Variants in RAPGEF2 observed in about 807,000 individuals in gnomAD.
RAPGEF2 encodes the protein Rap guanine nucleotide exchange factor 2, also known as PDZ domain containing guanine nucleotide exchange factor (GEF) 1.
In RAPGEF2, 54 loss-of-function variants were observed where a neutral mutation model predicts 186.7. The observed-to-expected ratio is 0.29, with a 90% CI of 0.23 to 0.36. The LOEUF (loss-of-function observed/expected upper bound fraction) is 0.36. RAPGEF2 is among the 10% of genes least tolerant of loss of function. The pLI is 1.00. For missense variants in RAPGEF2, 1,532 were observed against 2,045.0 expected, an observed-to-expected ratio of 0.75 and a Z score of 4.84; for synonymous variants, 712 against 705.9, an observed-to-expected ratio of 1.01 and a Z score of -0.14.
At chr4:159,345,817 C>T (rs183953388) in intron 24 of RAPGEF2, among the ~76,000 whole-genome samples, 108 of 152,028 alleles carry the variant, frequency 7.1e-4, no homozygotes, top group Non-Finnish European at 1.3e-3. Flanking sequence ...ACCACAATAG[C>T]CTTTAAAAAT....
At chr4:159,199,686 G>A (rs1749200758) in intron 3 of RAPGEF2, among the ~76,000 whole-genome samples, 1 of 152,178 alleles carries the variant, frequency 6.6e-6, no homozygotes, top group Non-Finnish European at 1.5e-5. Context: ...TATCCTTTCT[G>A]ATGTGAGGGG....
Position 159,359,731 on chromosome 4 carries a change from A to G in RAPGEF2, c.*1592A>G, listed in dbSNP as rs1732521641. On this transcript the variant is annotated 3_prime_UTR_variant, in exon 30 of 30. Transcript: ENST00000691494. ...TATCATGGCATTTGTCTACTTGCTT[A>G]TTACATTGTCAATTATGCATTTGTA... 1 of 152,204 alleles carries G rather than the reference A, an allele frequency of 6.6e-6. No homozygotes were observed. The highest frequency in any genetic ancestry group is 2.4e-5 in the African/African-American group (1 of 41,448). The allele number at this position is 152,204 out of a possible 1,614,324, so 9.4% of individuals were successfully genotyped here. A position where few individuals can be genotyped will look rare whatever the true frequency, so the allele number is the denominator to read the frequency against.
intron 3 of RAPGEF2, among the ~76,000 whole-genome samples, chr4:159,203,005 T>C (rs1205084665): frequency 6.6e-6 from 1 of 152,266 alleles, no homozygotes; most frequent in Non-Finnish European, 1.5e-5. Context: ...TGCCCTCTAA[T>C]AATTGTCTTT....
intron 7 of RAPGEF2, chr4:159,266,931 T>A (rs1217506962): frequency 1.0e-5 from 2 of 195,450 alleles, no homozygotes; most frequent in African/African-American, 2.3e-5. Context: ...TGAGACTTGC[T>A]TAACCTACAG....
Position 159,358,128 on chromosome 4 carries a change from T to C in RAPGEF2, c.4972T>C (p.Ser1658Pro), listed in dbSNP as rs764249909. The C allele has an allele frequency of 3.1e-6, 5 of 1,612,408 alleles. No individual in the cohort carries two copies. Reference protein sequence around the residue: ...STEEDEDEQVSAV With the variant: ...STEEDEDEQVPAV ...TGTATTTGCAGAAGATGAACAAGTT[T>C]CTGCTGTTTGAGGCACAGACTTTTC... is the stretch of plus-strand genomic sequence containing the variant. The change falls in exon 30 of 30, where the codon TCT (serine) becomes CCT (proline). Residue 1658 changes from serine (S) to proline (P), a missense_variant. By Grantham distance (74) the Ser-to-Pro change is moderately conservative. This residue lies in a region of RAPGEF2 where 594 missense variants were observed against 608.5 expected (regional missense o/e 0.98). Coordinates refer to ENST00000691494, the MANE Select transcript of RAPGEF2 (RefSeq NM_001394067.2).
intron 26 of RAPGEF2, chr4:159,351,270 G>A: frequency 1.5e-6 from 2 of 1,350,704 alleles, no homozygotes; most frequent in South Asian, 1.5e-5. Context: ...CAAATGTCAA[G>A]TGCTCCATCT....
chr4:159,107,953 A>G (rs1242735939), intron 1 of RAPGEF2, among the ~76,000 whole-genome samples: 6 of 152,130 alleles, frequency 3.9e-5, no homozygotes, highest in African/African-American at 1.4e-4. Context: ...GGCTCTAGTA[A>G]TATTTGTTTC....
At chr4:159,305,347 AT>A (rs1763155901) in intron 8 of RAPGEF2, among the ~76,000 whole-genome samples, 1 of 151,822 alleles carries the variant, frequency 6.6e-6, no homozygotes, top group South Asian at 2.1e-4. Context: ...ATCTGTTACT[AT>A]TTTTGTCTTT....
chr4:159,322,525 G>A (rs779576545), intron 10 of RAPGEF2, 42 bp downstream of exon 10: 1 of 1,573,434 alleles, frequency 6.4e-7, no homozygotes, highest in Non-Finnish European at 8.7e-7. Flanking sequence ...TCTTCTTAAA[G>A]ATATCTCAAT....
At chr4:159,304,229 A>C in intron 7 of RAPGEF2, 113 bp from the exon 8 acceptor site, 1 of 978,688 alleles carries the variant, frequency 1.0e-6, no homozygotes, top group Admixed American at 2.9e-5. Context: ...TGGAAAATGA[A>C]TACCATTTTT....
intron 6 of RAPGEF2, among the ~76,000 whole-genome samples, chr4:159,241,742 G>A: frequency 6.6e-6 from 1 of 151,804 alleles, no homozygotes; most frequent in East Asian, 1.9e-4. Context: ...ATTTTAAGTT[G>A]TTTTACCTTA....
chr4:159,154,837 T>C (rs572758462), intron 1 of RAPGEF2, among the ~76,000 whole-genome samples: 1 of 152,244 alleles, frequency 6.6e-6, no homozygotes, highest in Non-Finnish European at 1.5e-5. Flanking sequence ...AATTCTATAT[T>C]AGGCCAAGTG....
intron 4 of RAPGEF2, among the ~76,000 whole-genome samples, chr4:159,226,633 A>G (rs1035399231): frequency 1.3e-5 from 2 of 152,172 alleles, no homozygotes; most frequent in Non-Finnish European, 2.9e-5. Flanking sequence ...GTTTTCTAGA[A>G]TTTCCCTTTG....
At chr4:159,198,533 C>T (rs557828634) in intron 3 of RAPGEF2, among the ~76,000 whole-genome samples, 91 of 151,926 alleles carry the variant, frequency 6.0e-4, no homozygotes, top group Admixed American at 1.0e-3. Context: ...GCAACCTCCA[C>T]CTCGCTGGTT....
intron 2 of RAPGEF2, among the ~76,000 whole-genome samples, chr4:159,189,986 A>G (rs925988345): frequency 3.9e-5 from 6 of 152,184 alleles, no homozygotes; most frequent in Non-Finnish European, 5.9e-5. Flanking sequence ...TTTATTTAGT[A>G]TGCTGGACAT....
intron 1 of RAPGEF2, among the ~76,000 whole-genome samples, chr4:159,174,905 C>T (rs1195958274): frequency 6.6e-6 from 1 of 152,008 alleles, no homozygotes; most frequent in Non-Finnish European, 1.5e-5. Context: ...CACAGGTGCT[C>T]GTCACCACAC....
intron 1 of RAPGEF2, among the ~76,000 whole-genome samples, chr4:159,175,846 A>G (rs2111260741): frequency 6.6e-6 from 1 of 152,334 alleles, no homozygotes; most frequent in East Asian, 1.9e-4. Context: ...AAGATCATGC[A>G]TACCACCACC....
chr4:159,212,842 C>A (rs1490677773), intron 4 of RAPGEF2, among the ~76,000 whole-genome samples: 1 of 152,130 alleles, frequency 6.6e-6, no homozygotes, highest in Admixed American at 6.5e-5. Flanking sequence ...CAGTAGTGGT[C>A]GTCCTTGACT....
chr4:159,253,561 C>T (rs59808971), intron 7 of RAPGEF2, among the ~76,000 whole-genome samples: 40,211 of 151,994 alleles, frequency 0.26, 6,166 homozygotes, highest in African/African-American at 0.42. Flanking sequence ...TTATTATCAT[C>T]TGTTTTTCTT....
Sources: allele counts gnomAD v4.1 joint callset (sites outside exome capture counted in the v4.1 genomes callset), GRCh38; gene constraint gnomAD v4.1.1; regional missense constraint gnomAD v4.1.1; transcripts MANE v1.5; gene names NCBI Gene and HGNC (gene_info 2026-07-23, HGNC 2026-07-21).